TPTE: variants seen among roughly 807,000 people sequenced by gnomAD.
TPTE encodes the protein transmembrane phosphatase with tensin homology.
A neutral mutation model predicts 84.1 loss-of-function variants in TPTE; 59 were observed. That is an observed-to-expected ratio of 0.70 (90% CI 0.57 to 0.87). The LOEUF is 0.87. Ranked by LOEUF, TPTE falls within the 40% of genes least tolerant of loss-of-function variation. The pLI is 0.00. For missense variants in TPTE, 382 were observed against 659.6 expected, an observed-to-expected ratio of 0.58 and a Z score of 4.61; for synonymous variants, 130 against 223.5, an observed-to-expected ratio of 0.58 and a Z score of 3.73.
At chr21:10,598,806 C>G (rs1018348448) in intron 21 of TPTE, among the ~76,000 whole-genome samples, 1 of 152,308 alleles carries the variant, frequency 6.6e-6, no homozygotes, top group African/African-American at 2.4e-5. Flanking sequence ...GAATTCCTAC[C>G]CAGGCCTTTG....
At chr21:10,563,067 T>C (rs1232530581) in intron 10 of TPTE, among the ~76,000 whole-genome samples, 3 of 152,418 alleles carry the variant, frequency 2.0e-5, no homozygotes, top group South Asian at 2.1e-4. Context: ...GCAGACTCTT[T>C]AGTAGAAACG....
chr21:10,543,582 G>T (rs2074411596), intron 7 of TPTE, among the ~76,000 whole-genome samples, 200 bp downstream of exon 7: 1 of 152,310 alleles, frequency 6.6e-6, no homozygotes, highest in African/African-American at 2.4e-5. Context: ...ACTCTCAGGA[G>T]CCTGCATGGC....
At chr21:10,568,162 T>C (rs533608698) in intron 11 of TPTE, among the ~76,000 whole-genome samples, 9 of 152,416 alleles carry the variant, frequency 5.9e-5, no homozygotes, top group African/African-American at 2.2e-4. Context: ...CAGTTTAATA[T>C]CTGCTATATC....
intron 1 of TPTE, among the ~76,000 whole-genome samples, chr21:10,523,338 T>C (rs1342116277): frequency 6.6e-6 from 1 of 152,278 alleles, no homozygotes; most frequent in Non-Finnish European, 1.5e-5. Context: ...TTAGGGTACA[T>C]GTGCACAATG....
Position 10,527,133 on chromosome 21 carries a change from CCTCTCT to C in TPTE, c.-101-202_-101-197del, listed in dbSNP as rs59412977. Among the ~76,000 whole-genome samples the C allele has an allele frequency of 6.7e-5, 10 of 148,604 alleles. No individual in the cohort carries two copies. The East Asian group carries it at 9.7e-4, about 14-fold the overall frequency. ...CATTTTCTTTCTTTTTTCTGTGTCCCCTCTCTCTCTCTCTCTCTCTCTCTCACACAC... is the reference window on the plus strand; with the variant it reads ...CATTTTCTTTCTTTTTTCTGTGTCCCCTCTCTCTCTCTCTCTCTCACACAC... On this transcript the variant is annotated intron_variant, in intron 2 of 23. Transcript: ENST00000618007.
intron 4 of TPTE, chr21:10,540,715 G>C (rs1296042510): frequency 1.9e-6 from 1 of 519,482 alleles, no homozygotes. Context: ...CGCAACTCTT[G>C]GGCAGGAGAG....
chr21:10,546,347 C>T (rs375225020), intron 7 of TPTE, among the ~76,000 whole-genome samples: 141 of 152,342 alleles, frequency 9.3e-4, no homozygotes, highest in African/African-American at 3.2e-3. Flanking sequence ...CTAGCCATTC[C>T]CCCATCTCTC....
intron 14 of TPTE, chr21:10,576,654 G>C (rs2075157297): frequency 6.6e-6 from 1 of 152,422 alleles, no homozygotes; most frequent in African/African-American, 2.4e-5. Flanking sequence ...ATTGCTCTGA[G>C]GGTACCATAC....
chr21:10,594,521 G>A (rs2075544268), intron 19 of TPTE, among the ~76,000 whole-genome samples: 1 of 152,312 alleles, frequency 6.6e-6, no homozygotes, highest in Non-Finnish European at 1.5e-5. Context: ...GTTGTTTTAA[G>A]TTGTAGGAGA....
At chr21:10,557,267 T>G (rs374554068) in intron 8 of TPTE, among the ~76,000 whole-genome samples, 2,882 of 151,210 alleles carry the variant, frequency 0.019, no homozygotes, top group African/African-American at 0.057. Flanking sequence ...ATGGATTTAC[T>G]GAGTCATAGT....
At chr21:10,542,647 A>T (rs1183281449) in intron 6 of TPTE, among the ~76,000 whole-genome samples, 199 bp downstream of exon 6, 14 of 152,304 alleles carry the variant, frequency 9.2e-5, no homozygotes, top group Non-Finnish European at 2.1e-4. Flanking sequence ...CACTTACACA[A>T]ACTAATCCAT....
intron 3 of TPTE, among the ~76,000 whole-genome samples, chr21:10,535,025 A>G (rs892575680): frequency 1.3e-5 from 2 of 152,310 alleles, no homozygotes; most frequent in Non-Finnish European, 2.9e-5. Context: ...GGTTGTCAGT[A>G]GGGTTGGCTT....
At chr21:10,527,800 T>C (rs1217987944) in intron 3 of TPTE, among the ~76,000 whole-genome samples, 31 of 152,300 alleles carry the variant, frequency 2.0e-4, no homozygotes, top group African/African-American at 6.8e-4. Flanking sequence ...AAAGCCATCA[T>C]CACATTGGAT....
intron 8 of TPTE, among the ~76,000 whole-genome samples, chr21:10,558,370 C>G (rs1371516568): frequency 1.3e-5 from 2 of 152,312 alleles, no homozygotes; most frequent in South Asian, 2.1e-4. Flanking sequence ...CTCCCACCAA[C>G]AATGTATATG....
intron 8 of TPTE, among the ~76,000 whole-genome samples, chr21:10,558,753 G>C (rs1379161879): frequency 6.6e-6 from 1 of 152,120 alleles, no homozygotes. Context: ...GAAGCCTCCT[G>C]TGTTGGAGGC....
intron 14 of TPTE, among the ~76,000 whole-genome samples, chr21:10,577,108 T>C (rs541621741): frequency 9.5e-4 from 144 of 152,060 alleles, no homozygotes; most frequent in African/African-American, 3.3e-3. Flanking sequence ...CAGAATTAAA[T>C]AAGAACGAAT....
intron 10 of TPTE, among the ~76,000 whole-genome samples, chr21:10,562,390 A>G (rs1311691262): frequency 1.3e-5 from 2 of 152,306 alleles, no homozygotes; most frequent in East Asian, 1.9e-4. Context: ...CCAGGAAAAC[A>G]TGACCTCACC....
At chr21:10,576,835 A>G (rs951492099) in intron 14 of TPTE, among the ~76,000 whole-genome samples, 2 of 141,026 alleles carry the variant, frequency 1.4e-5, no homozygotes, top group African/African-American at 5.2e-5. Context: ...TTATACATAT[A>G]TACATATATA....
At chr21:10,539,733 C>T (rs563502205) in intron 4 of TPTE, among the ~76,000 whole-genome samples, 5 of 152,424 alleles carry the variant, frequency 3.3e-5, no homozygotes, top group African/African-American at 4.8e-5. Flanking sequence ...GTTGGAAGGT[C>T]GGGTGCGGTG....
Sources: allele counts gnomAD v4.1 joint callset (sites outside exome capture counted in the v4.1 genomes callset), GRCh38; gene constraint gnomAD v4.1.1; transcripts MANE v1.5; gene names NCBI Gene and HGNC (gene_info 2026-07-23, HGNC 2026-07-21).